IL1RAPL2: variants seen among roughly 807,000 people sequenced by gnomAD.
The protein encoded by IL1RAPL2 is X-linked interleukin-1 receptor accessory protein-like 2.
A neutral mutation model predicts 44.1 loss-of-function variants in IL1RAPL2; 3 were observed. The ratio of observed to expected loss-of-function variants is 0.07; its 90% CI spans 0.03 to 0.18. The LOEUF (loss-of-function observed/expected upper bound fraction) is 0.18, where lower values mean the gene tolerates loss of function less well. Ranked by LOEUF, IL1RAPL2 falls within the 10% of genes least tolerant of loss-of-function variation. The pLI is 1.00. For missense variants in IL1RAPL2, 391 were observed against 496.4 expected (o/e 0.79, Z 2.02); for synonymous variants, 181 against 178.8 (o/e 1.01, Z -0.10).
At chrX:105,764,079 A>G (rs1288651262) in intron 10 of IL1RAPL2, among the ~76,000 whole-genome samples, 2 of 111,077 alleles carry the variant, frequency 1.8e-5, no homozygotes, top group African/African-American at 3.3e-5. Flanking sequence ...GGTTGCCTCA[A>G]CTCTCCACTA....
intron 1 of IL1RAPL2, among the ~76,000 whole-genome samples, chrX:104,581,864 G>GA (rs976816900): frequency 9.1e-6 from 1 of 109,837 alleles, no homozygotes; most frequent in Non-Finnish European, 1.9e-5. Context: ...TTTTCTTTCA[G>GA]AAAAAAAATT....
chrX:104,834,689 G>T (rs1414702825), intron 2 of IL1RAPL2, among the ~76,000 whole-genome samples: 1 of 111,693 alleles, frequency 9.0e-6, no homozygotes, highest in Non-Finnish European at 1.9e-5. Flanking sequence ...ATTGATTATT[G>T]ATTTCCATTT....
chrX:105,302,980 A>G (rs1322910912), intron 5 of IL1RAPL2, among the ~76,000 whole-genome samples: 1 of 111,725 alleles, frequency 9.0e-6, no homozygotes, highest in South Asian at 3.8e-4. Context: ...TTCCATGGGT[A>G]CTGAGTTCTG....
chrX:104,805,012 A>G (rs1473425260), intron 2 of IL1RAPL2, among the ~76,000 whole-genome samples: 2 of 112,236 alleles, frequency 1.8e-5, no homozygotes, highest in Middle Eastern at 4.2e-3. Context: ...GCTGAGAGGC[A>G]TGCTAATATA....
In IL1RAPL2 at chrX:104,707,821, A is replaced by G. The variant is rs147551343; in HGVS notation, c.82+48826A>G. 4.6e-4 allele frequency among the ~76,000 whole-genome samples: 52 copies of G among 111,958 alleles called. 1 individual carries two copies. The highest frequency in any genetic ancestry group is 1.6e-3 in the African/African-American group (49 of 30,938). Reference sequence around the variant, plus strand: ...TTCTGTGACTCATAACTTAACTTTGAGTAGATTTATCATAGGCTTGCTGTA... The same window carrying G: ...TTCTGTGACTCATAACTTAACTTTGGGTAGATTTATCATAGGCTTGCTGTA... On this transcript the variant is annotated intron_variant, in intron 2 of 10. Coordinates refer to ENST00000372582, the MANE Select transcript of IL1RAPL2 (RefSeq NM_017416.2).
rs146578461 is a variant in IL1RAPL2 at position 104,773,105 on chromosome X, C to T, written c.82+114110C>T. Among the ~76,000 whole-genome samples the T allele has an allele frequency of 6.3e-3, 701 of 110,783 alleles. 3 individuals are homozygous for T. Among genetic ancestry groups the T allele is most frequent in the African/African-American group, 0.022 (670 of 30,518 alleles). ...TTAAATTTTTGTAGAGACAGGGTCT[C>T]ACTGTGTTGCCCAGGCTAATCTTGA... On this transcript the variant is annotated intron_variant, in intron 2 of 10. Transcript: ENST00000372582.
intron 3 of IL1RAPL2, among the ~76,000 whole-genome samples, chrX:105,204,202 A>G (rs150912254): frequency 0.012 from 1,332 of 111,882 alleles, 16 homozygotes; most frequent in Non-Finnish European, 0.021. Context: ...AGCATTCAGT[A>G]GTAGAGTCAT....
At chrX:105,419,410 A>G (rs1257413967) in intron 5 of IL1RAPL2, among the ~76,000 whole-genome samples, 1 of 111,830 alleles carries the variant, frequency 8.9e-6, no homozygotes, top group Non-Finnish European at 1.9e-5. Context: ...CCACATACAC[A>G]GTTACTTTGA....
At chrX:104,746,339 T>C (rs774897526) in intron 2 of IL1RAPL2, among the ~76,000 whole-genome samples, 2 of 111,468 alleles carry the variant, frequency 1.8e-5, no homozygotes. Flanking sequence ...GCATGGTTAC[T>C]TCTAGGAGAG....
intron 5 of IL1RAPL2, among the ~76,000 whole-genome samples, chrX:105,462,763 C>T (rs2036101774): frequency 9.0e-6 from 1 of 110,859 alleles, no homozygotes; most frequent in Admixed American, 9.7e-5. Context: ...TCACTATCTT[C>T]CCATCTTTCT....
chrX:104,669,733 G>T (rs1165618826), intron 2 of IL1RAPL2, among the ~76,000 whole-genome samples: 2 of 111,796 alleles, frequency 1.8e-5, no homozygotes, highest in Admixed American at 1.9e-4. Flanking sequence ...GAGGTTTCTA[G>T]CAATCCAGTC....
intron 5 of IL1RAPL2, among the ~76,000 whole-genome samples, chrX:105,432,725 A>G (rs1172579953): frequency 9.0e-6 from 1 of 111,333 alleles, no homozygotes; most frequent in Non-Finnish European, 1.9e-5. Flanking sequence ...GGGAGAATTC[A>G]GAGAGTTCAG....
At chrX:105,612,692 G>A (rs2037345428) in intron 6 of IL1RAPL2, among the ~76,000 whole-genome samples, 1 of 111,972 alleles carries the variant, frequency 8.9e-6, no homozygotes, top group Non-Finnish European at 1.9e-5. Flanking sequence ...ACTTGAAAGT[G>A]CAGGAATTGT....
intron 1 of IL1RAPL2, among the ~76,000 whole-genome samples, chrX:104,616,445 A>G (rs944460575): frequency 6.3e-5 from 7 of 111,863 alleles, no homozygotes; most frequent in African/African-American, 2.3e-4. Context: ...CCCAAAGCAG[A>G]CCTCCTTCAT....
At chrX:104,949,018 G>A (rs1925482907) in intron 2 of IL1RAPL2, among the ~76,000 whole-genome samples, 1 of 109,887 alleles carries the variant, frequency 9.1e-6, no homozygotes, top group African/African-American at 3.3e-5. Flanking sequence ...TGTACCTCTG[G>A]TAGAATTCAG....
intron 2 of IL1RAPL2, among the ~76,000 whole-genome samples, chrX:105,006,271 G>C (rs1267691261): frequency 9.1e-6 from 1 of 110,197 alleles, no homozygotes; most frequent in East Asian, 2.9e-4. Flanking sequence ...CAGAAAGGAG[G>C]GGGAAAGCAA....
At chrX:105,302,703 G>A (rs1314461204) in intron 5 of IL1RAPL2, among the ~76,000 whole-genome samples, 1 of 111,863 alleles carries the variant, frequency 8.9e-6, no homozygotes, top group Non-Finnish European at 1.9e-5. Context: ...ATGCTGTCTG[G>A]GTTTGGCAGA....
intron 2 of IL1RAPL2, among the ~76,000 whole-genome samples, chrX:105,124,791 T>G (rs947099582): frequency 9.0e-6 from 1 of 111,137 alleles, no homozygotes; most frequent in Non-Finnish European, 1.9e-5. Flanking sequence ...TCTTTGAATT[T>G]CACTTTAAAT....
chrX:104,598,387 A>C (rs1303623391), intron 1 of IL1RAPL2, among the ~76,000 whole-genome samples: 2 of 112,201 alleles, frequency 1.8e-5, no homozygotes, highest in Non-Finnish European at 3.8e-5. Flanking sequence ...TGGTGTGAAC[A>C]CAAAGGGAAC....
Sources: allele counts gnomAD v4.1 joint callset (sites outside exome capture counted in the v4.1 genomes callset), GRCh38; gene constraint gnomAD v4.1.1; transcripts MANE v1.5; gene names NCBI Gene and HGNC (gene_info 2026-07-23, HGNC 2026-07-21).